Variants in LTBP1 observed in about 807,000 individuals in gnomAD.
LTBP1 encodes latent-transforming growth factor beta-binding protein 1.
A neutral mutation model predicts 207.6 loss-of-function variants in LTBP1; 129 were observed. The observed-to-expected ratio is 0.62, with a 90% CI of 0.54 to 0.72. LTBP1 has a LOEUF of 0.72. Among genes scored for constraint, LTBP1 ranks in the 30% least tolerant of loss-of-function variants. The pLI, the probability that LTBP1 is intolerant of heterozygous loss-of-function variation, is 0.00. For missense variants in LTBP1, 2,281 were observed against 2,217.2 expected, an observed-to-expected ratio of 1.03 and a Z score of -0.58; for synonymous variants, 963 against 833.7, an observed-to-expected ratio of 1.16 and a Z score of -2.67.
intron 8 of LTBP1, among the ~76,000 whole-genome samples, chr2:33,218,138 T>C (rs1002832636): frequency 6.6e-6 from 1 of 152,234 alleles, no homozygotes; most frequent in African/African-American, 2.4e-5. Context: ...TAATTGGTTG[T>C]TGATTTGTAA....
chr2:33,331,334 TCTA>T (rs2094492182), intron 24 of LTBP1, among the ~76,000 whole-genome samples: 2 of 151,992 alleles, frequency 1.3e-5, no homozygotes, highest in South Asian at 4.1e-4. Context: ...TTATCAATCT[TCTA>T]ATATTTGTAT....
intron 2 of LTBP1, among the ~76,000 whole-genome samples, chr2:32,960,144 A>C (rs1678855150): frequency 6.6e-6 from 1 of 152,162 alleles, no homozygotes; most frequent in East Asian, 1.9e-4. Flanking sequence ...GTGAAACTTC[A>C]AGCAGATTAA....
At chr2:33,107,178 G>A (rs189866899) in intron 3 of LTBP1, among the ~76,000 whole-genome samples, 20 of 152,324 alleles carry the variant, frequency 1.3e-4, no homozygotes, top group African/African-American at 3.8e-4. Context: ...CCTGCACATC[G>A]TAAGGGTAAA....
At position 33,257,535 on chromosome 2, in the gene LTBP1, A is replaced by G. The variant is rs759986314; in HGVS notation, c.2395+24A>G. 18 of 1,567,946 alleles carry G rather than the reference A, an allele frequency of 1.1e-5. No homozygotes were observed. In the South Asian group the frequency reaches 1.7e-4, roughly 15 times the overall value. ...AGGTGAGAGCGGTAATGGATCATGG[A>G]CTCTAGACATCTATCTGTGTGTCTT... On this transcript the variant is annotated intron_variant, in intron 12 of 33. Coordinates refer to ENST00000404816, the MANE Select transcript of LTBP1 (RefSeq NM_206943.4).
At chr2:33,167,435 G>A (rs1454642148) in intron 5 of LTBP1, among the ~76,000 whole-genome samples, 2 of 151,570 alleles carry the variant, frequency 1.3e-5, no homozygotes, top group Non-Finnish European at 2.9e-5. Flanking sequence ...CTAGGGATGA[G>A]CAACTGAAAA....
At chr2:33,133,858 A>G (rs535681770) in intron 4 of LTBP1, among the ~76,000 whole-genome samples, 2 of 152,212 alleles carry the variant, frequency 1.3e-5, no homozygotes, top group South Asian at 4.1e-4. Context: ...CTGAAATGGC[A>G]TGTCCGGAGT....
chr2:33,045,407 A>G (rs967961023), intron 3 of LTBP1, among the ~76,000 whole-genome samples: 3 of 152,182 alleles, frequency 2.0e-5, no homozygotes, highest in African/African-American at 7.2e-5. Flanking sequence ...AGATTTGTCA[A>G]AGATCAGATG....
chr2:32,996,576 A>G lies in LTBP1; in HGVS notation c.566-24333A>G, dbSNP rs1685306918. On this transcript the variant is annotated intron_variant, in intron 2 of 33. Coordinates refer to ENST00000404816, the MANE Select transcript of LTBP1 (RefSeq NM_206943.4). ...GTGGTGATAAGAGGAGACATCTACT[A>G]TGTACAAAGTAGAGTGGTTGCTGCT... Among the ~76,000 whole-genome samples, 3 of 152,276 alleles carry G rather than the reference A, an allele frequency of 2.0e-5. No homozygotes were observed. In the South Asian group the frequency reaches 6.2e-4, roughly 32 times the overall value.
At chr2:33,098,682 G>A (rs1258927635) in intron 3 of LTBP1, among the ~76,000 whole-genome samples, 3 of 151,852 alleles carry the variant, frequency 2.0e-5, no homozygotes, top group Non-Finnish European at 4.4e-5. Context: ...CAGGTAATCC[G>A]CCCACCTTGG....
At chr2:33,358,292 C>G (rs902511183) in intron 26 of LTBP1, among the ~76,000 whole-genome samples, 3 of 151,788 alleles carry the variant, frequency 2.0e-5, no homozygotes, top group Non-Finnish European at 4.4e-5. Flanking sequence ...TAATCTCTTT[C>G]TCCAAAAAGG....
chr2:33,356,300 T>C (rs1007972114), intron 26 of LTBP1, among the ~76,000 whole-genome samples: 4 of 152,182 alleles, frequency 2.6e-5, no homozygotes, highest in African/African-American at 9.7e-5. Context: ...GAGTTTCAGT[T>C]CTTTGATACT....
At chr2:33,203,637 A>T (rs1329312934) in intron 7 of LTBP1, among the ~76,000 whole-genome samples, 1 of 151,832 alleles carries the variant, frequency 6.6e-6, no homozygotes, top group Non-Finnish European at 1.5e-5. Flanking sequence ...ATTTTTTTTC[A>T]TTTTATTGGC....
At chr2:33,246,347 A>G (rs1015025943) in intron 10 of LTBP1, among the ~76,000 whole-genome samples, 1 of 152,240 alleles carries the variant, frequency 6.6e-6, no homozygotes, top group Admixed American at 6.5e-5. Flanking sequence ...TGATGGGGGA[A>G]GTCTGAAGAC....
At position 33,186,978 on chromosome 2, in the gene LTBP1, C is replaced by T; in HGVS notation, c.1324C>T (p.Leu442Phe). The T allele has an allele frequency of 6.2e-7, 1 of 1,614,212 alleles. No individual in the cohort carries two copies. The highest frequency in any genetic ancestry group is 2.2e-5 in the East Asian group (1 of 44,880). The stretch of plus-strand genomic sequence containing the variant: ...AGTCCATGGTGCCAGCGTGCCTAAA[C>T]TTTATCAGCATTCCCAGCAGCCAGG... ...IPVHGASVPK[L>F]YQHSQQPGKA... is the part of the protein sequence containing the mutation. The change falls in exon 6 of 34, where the codon CTT (leucine) becomes TTT (phenylalanine). Residue 442 changes from leucine (L) to phenylalanine (F), a missense_variant. By Grantham distance (22) the Leu-to-Phe change is conservative. Transcript: ENST00000404816.
At chr2:33,137,378 G>C (rs943165913) in intron 5 of LTBP1, among the ~76,000 whole-genome samples, 3 of 152,116 alleles carry the variant, frequency 2.0e-5, no homozygotes, top group Admixed American at 6.5e-5. Flanking sequence ...AATATTTGTT[G>C]GTACTTAAAG....
chr2:33,041,126 A>G (rs1573252797), intron 3 of LTBP1, among the ~76,000 whole-genome samples: 1 of 152,220 alleles, frequency 6.6e-6, no homozygotes, highest in East Asian at 1.9e-4. Flanking sequence ...ACCTCAAAGA[A>G]TGATTAAGAG....
At chr2:33,275,183 C>A in intron 17 of LTBP1, 93 bp downstream of exon 17, 3 of 1,448,004 alleles carry the variant, frequency 2.1e-6, no homozygotes, top group African/African-American at 1.4e-5. Flanking sequence ...TCCAGACAAC[C>A]CAGAATTTTT....
chr2:33,072,272 C>T (rs1345451371), intron 3 of LTBP1, among the ~76,000 whole-genome samples: 1 of 152,176 alleles, frequency 6.6e-6, no homozygotes, highest in Non-Finnish European at 1.5e-5. Context: ...CATGTCCTCC[C>T]GGGATGCACC....
intron 24 of LTBP1, among the ~76,000 whole-genome samples, chr2:33,330,532 A>G (rs779518673): frequency 6.6e-5 from 10 of 151,052 alleles, no homozygotes; most frequent in Non-Finnish European, 1.5e-4. Flanking sequence ...GTTCCCTTAT[A>G]TATCTAGTTT....
Sources: allele counts gnomAD v4.1 joint callset (sites outside exome capture counted in the v4.1 genomes callset), GRCh38; gene constraint gnomAD v4.1.1; transcripts MANE v1.5; gene names NCBI Gene and HGNC (gene_info 2026-07-23, HGNC 2026-07-21).